The following DNM3 variants were observed in gnomAD, a reference collection of about 807,000 sequenced individuals.
DNM3 encodes dynamin 3.
Under a neutral mutation model 101.6 loss-of-function variants are expected in DNM3, and 47 were observed. The ratio of observed to expected loss-of-function variants is 0.46; its 90% CI spans 0.37 to 0.59. DNM3 has a LOEUF of 0.59. DNM3 is among the 20% of genes least tolerant of loss of function. The pLI is 0.00. For missense variants in DNM3, 849 were observed against 1,085.7 expected, an observed-to-expected ratio of 0.78 and a Z score of 3.06; for synonymous variants, 385 against 387.9, an observed-to-expected ratio of 0.99 and a Z score of 0.09.
chr1:172,194,446 A>G (rs1021162174), intron 14 of DNM3, among the ~76,000 whole-genome samples: 1 of 152,040 alleles, frequency 6.6e-6, no homozygotes, highest in East Asian at 1.9e-4. Context: ...GATCTGTCTA[A>G]TGTTGACAGT....
At chr1:172,118,744 G>T (rs2056098179) in intron 13 of DNM3, among the ~76,000 whole-genome samples, 1 of 152,038 alleles carries the variant, frequency 6.6e-6, no homozygotes, top group South Asian at 2.1e-4. Context: ...CAGCCAGCAG[G>T]CATCAGGAGA....
rs112658525 is a variant in DNM3, at chr1:171,972,253, G to A, written c.236-15403G>A. 8.9e-3 allele frequency among the ~76,000 whole-genome samples: 1,358 copies of A among 152,318 alleles called. 28 individuals are homozygous for A. The highest frequency in any genetic ancestry group is 0.031 in the African/African-American group (1,288 of 41,576). ...ACATGTTATATGAATATTCTTGAAC[G>A]TGTTACTTAGCCTTCTGGGATTTAG... On this transcript the variant is annotated intron_variant, in intron 2 of 20. Coordinates refer to ENST00000627582, the MANE Select transcript of DNM3 (RefSeq NM_015569.5).
chr1:172,232,825 G>A (rs767290274), intron 14 of DNM3, among the ~76,000 whole-genome samples: 24 of 152,314 alleles, frequency 1.6e-4, no homozygotes, highest in Non-Finnish European at 4.4e-5. Context: ...AAGTAAAGAT[G>A]TTCTTTGAAA....
At chr1:172,101,949 C>G (rs537693493) in intron 13 of DNM3, among the ~76,000 whole-genome samples, 196 of 152,060 alleles carry the variant, frequency 1.3e-3, no homozygotes, top group African/African-American at 4.6e-3. Flanking sequence ...ATCTCTGCCT[C>G]CCAGGTTCAA....
intron 12 of DNM3, among the ~76,000 whole-genome samples, chr1:172,088,383 CTGCTTGAGTCAATACTA>C (rs1415967262): frequency 6.6e-6 from 1 of 152,146 alleles, no homozygotes; most frequent in Non-Finnish European, 1.5e-5. Flanking sequence ...CCTGTCTTCT[CTGCTTGAGTCAATACTA>C]TGCATTTCAG....
At chr1:171,956,864 C>T (rs950377433) in intron 2 of DNM3, among the ~76,000 whole-genome samples, 2 of 152,206 alleles carry the variant, frequency 1.3e-5, no homozygotes, top group Admixed American at 6.5e-5. Context: ...CACATGGAAG[C>T]TACCAGGGCT....
chr1:172,382,260 T>C (rs569568013), intron 18 of DNM3, among the ~76,000 whole-genome samples: 9 of 152,248 alleles, frequency 5.9e-5, no homozygotes, highest in African/African-American at 2.2e-4. Context: ...AGAGTTTTGC[T>C]CAGGACTTTA....
intron 1 of DNM3, among the ~76,000 whole-genome samples, chr1:171,912,204 C>T (rs1304037142): frequency 6.6e-6 from 1 of 151,762 alleles, no homozygotes; most frequent in African/African-American, 2.4e-5. Flanking sequence ...GTGATATTGC[C>T]CCCAACAGGG....
chr1:172,392,105 G>C (rs1345800067), intron 20 of DNM3, among the ~76,000 whole-genome samples: 1 of 152,156 alleles, frequency 6.6e-6, no homozygotes, highest in African/African-American at 2.4e-5. Context: ...GGAGAGAGGT[G>C]GTGGAGTCAT....
intron 4 of DNM3, among the ~76,000 whole-genome samples, chr1:172,027,008 G>T (rs566877731): frequency 6.6e-6 from 1 of 152,052 alleles, no homozygotes; most frequent in Non-Finnish European, 1.5e-5. Context: ...CATAATTGAA[G>T]GAGAAATAAA....
chr1:171,961,948 G>C (rs1465786981), intron 2 of DNM3, among the ~76,000 whole-genome samples: 2 of 152,178 alleles, frequency 1.3e-5, no homozygotes, highest in Non-Finnish European at 2.9e-5. Flanking sequence ...AGTTATGGAG[G>C]CTGAGAAGTG....
chr1:172,325,513 G>A (rs566586924), intron 17 of DNM3, among the ~76,000 whole-genome samples: 1 of 137,222 alleles, frequency 7.3e-6, no homozygotes, highest in South Asian at 2.5e-4. Context: ...TCATTATACT[G>A]ACCATAGACT....
chr1:172,017,866 A>ATT (rs2125734166), intron 4 of DNM3, among the ~76,000 whole-genome samples: 1 of 152,196 alleles, frequency 6.6e-6, no homozygotes, highest in East Asian at 1.9e-4. Context: ...CTCCTCAGGT[A>ATT]TTTTTATGCT....
intron 2 of DNM3, among the ~76,000 whole-genome samples, chr1:171,960,549 A>G (rs1490133804): frequency 1.3e-5 from 2 of 152,216 alleles, no homozygotes; most frequent in African/African-American, 4.8e-5. Context: ...CTCTGCCATC[A>G]TGAATGGATT....
At chr1:172,234,846 A>G (rs1194642869) in intron 14 of DNM3, among the ~76,000 whole-genome samples, 1 of 152,202 alleles carries the variant, frequency 6.6e-6, no homozygotes, top group Admixed American at 6.5e-5. Flanking sequence ...TACAAAAATT[A>G]ATTCAAGATG....
At chr1:171,928,092 A>G (rs1441008672) in intron 2 of DNM3, among the ~76,000 whole-genome samples, 1 of 152,196 alleles carries the variant, frequency 6.6e-6, no homozygotes, top group East Asian at 1.9e-4. Context: ...CTCTGGCTTC[A>G]GGGTGGGGTA....
chr1:172,357,327 A>AC, intron 17 of DNM3, among the ~76,000 whole-genome samples: 1 of 152,104 alleles, frequency 6.6e-6, no homozygotes, highest in African/African-American at 2.4e-5. Flanking sequence ...CAGTGGAGAA[A>AC]CCTGGAAGAC....
chr1:172,412,461 T>A lies in DNM3; in HGVS notation c.*4620T>A. On this transcript the variant is annotated 3_prime_UTR_variant, in exon 21 of 21. Coordinates refer to ENST00000627582, the MANE Select transcript of DNM3 (RefSeq NM_015569.5). ...TCCCTTTTTTGGGTCAAATTTTTCT[T>A]TTGCTTTGTTTGAAGAAGGAATATA... 1 of 985,832 alleles carries A rather than the reference T, an allele frequency of 1.0e-6. No homozygotes were observed. Among genetic ancestry groups the A allele is most frequent in the Non-Finnish European group, 1.2e-6 (1 of 829,926 alleles). 61.1% of individuals were successfully genotyped at this position (985,832 alleles called of 1,614,324 possible). A position where few individuals can be genotyped will look rare whatever the true frequency, so the allele number is the denominator to read the frequency against.
rs771607173 is a variant in DNM3 at position 172,368,789 on chromosome 1, C to CA, written c.1894-10223dup. Among the ~76,000 whole-genome samples the CA allele has an allele frequency of 5.5e-4, 83 of 151,614 alleles. No individual in the cohort carries two copies. In the Middle Eastern group the frequency reaches 0.017, roughly 31 times the overall value. On this transcript the variant is annotated intron_variant, in intron 17 of 20. Transcript: ENST00000627582. The stretch of plus-strand genomic sequence containing the variant: ...AAATGAAACATTACAACTGATACCA[C>CA]AAAAAAGAAATATTACAACTGATAC...
Sources: gnomAD v4.1 joint callset for allele counts (sites outside exome capture counted in the v4.1 genomes callset) on GRCh38, gnomAD v4.1.1 for gene constraint, MANE v1.5 for transcripts, NCBI Gene and HGNC (gene_info 2026-07-23, HGNC 2026-07-21) for gene names.